PHRF1: variants seen among roughly 807,000 people sequenced by gnomAD.
The protein encoded by PHRF1 is PHD and RING finger domain-containing protein 1.
In PHRF1, 53 loss-of-function variants were observed where a neutral mutation model predicts 128.9. That is an observed-to-expected ratio of 0.41 (90% CI 0.33 to 0.52). The LOEUF (loss-of-function observed/expected upper bound fraction) is 0.52. Among genes scored for constraint, PHRF1 ranks in the 20% least tolerant of loss-of-function variants. PHRF1 has a pLI of 0.21. For synonymous variants in PHRF1, 1,178 were observed against 980.6 expected (o/e 1.20, Z -3.76); for missense variants, 2,503 against 2,284.5 (o/e 1.10, Z -1.95).
At chr11:585,825 C>T (rs1427709494) in intron 3 of PHRF1, among the ~76,000 whole-genome samples, 2 of 151,656 alleles carry the variant, frequency 1.3e-5, no homozygotes. Context: ...GGACTATAGG[C>T]ACCTGCCACC....
intron 6 of PHRF1, among the ~76,000 whole-genome samples, chr11:593,271 A>G (rs1005900717): frequency 1.3e-5 from 2 of 152,092 alleles, no homozygotes; most frequent in African/African-American, 4.8e-5. Context: ...GATTTGAATA[A>G]TTTTTCTGCT....
chr11:589,639 C>T (rs116220115), intron 4 of PHRF1, among the ~76,000 whole-genome samples: 5,952 of 152,280 alleles, frequency 0.039, 262 homozygotes, highest in African/African-American at 0.12. Flanking sequence ...CACACGATGC[C>T]GGACGGAGTC....
intron 4 of PHRF1, among the ~76,000 whole-genome samples, chr11:589,576 G>GC (rs1203212964): frequency 1.1e-5 from 1 of 90,768 alleles, no homozygotes; most frequent in African/African-American, 3.0e-5. Context: ...GACACACTCG[G>GC]GGGGGCAGGA....
At position 597,576 on chromosome 11, in the gene PHRF1, T is replaced by C; in HGVS notation, c.894+6T>C. 6.3e-7 allele frequency: 1 copy of C among 1,590,740 alleles called. No individual in the cohort carries two copies. The highest frequency in any genetic ancestry group is 8.6e-7 in the Non-Finnish European group (1 of 1,167,970). On this transcript the variant is annotated splice_donor_region_variant and intron_variant, in intron 8 of 17. Coordinates refer to ENST00000264555, the MANE Select transcript of PHRF1 (RefSeq NM_001286581.2). This position sits in a 1 kb window ranked among gnomAD's most constrained non-coding sequence, Gnocchi z 6.5. ...CCACGGCCAGGAGGGTCCAGGTGGG[T>C]GGCCCAGCCCTGACGCCAGTCGTAG...
intron 1 of PHRF1, among the ~76,000 whole-genome samples, chr11:579,593 C>T (rs1854092893): frequency 6.6e-6 from 1 of 152,174 alleles, no homozygotes; most frequent in Non-Finnish European, 1.5e-5. Flanking sequence ...GCCAGTGTCT[C>T]TAGGATTCAG....
intron 1 of PHRF1, among the ~76,000 whole-genome samples, 166 bp downstream of exon 1, chr11:576,758 G>A (rs1310640994): frequency 8.2e-5 from 9 of 110,204 alleles, no homozygotes; most frequent in African/African-American, 6.5e-5. Context: ...GGGAGGCCCC[G>A]CCGAGACTGG....
At chr11:594,263 C>A (rs1855155563) in intron 6 of PHRF1, among the ~76,000 whole-genome samples, 1 of 151,222 alleles carries the variant, frequency 6.6e-6, no homozygotes. Context: ...CCTGAGAGAC[C>A]ATGGCATGAT....
chr11:609,632 C>A lies in PHRF1; in HGVS notation c.4176C>A (p.Pro1392=). The A allele has an allele frequency of 1.3e-6, 2 of 1,579,808 alleles. No individual in the cohort carries two copies. The highest frequency in any genetic ancestry group is 1.2e-5 in the South Asian group (1 of 86,668). ...CTGAGGAGGTGGTTTCGCAGACCCC[C>A]CTGCTGCGGTCCAGAGCCCTGGTGA... ...ARPEEVVSQT[P]LLRSRALVKR... Residue 1392 remains proline (P), a synonymous_variant, in exon 14 of 18, where the codon CCC becomes CCA. Transcript: ENST00000264555.
chr11:581,634 G>A lies in PHRF1; in HGVS notation c.94+28G>A, dbSNP rs764902044. The A allele has an allele frequency of 5.7e-5, 91 of 1,584,112 alleles. 1 individual carries two copies. The highest frequency in any genetic ancestry group is 4.9e-4 in the South Asian group (43 of 88,542). On this transcript the variant is annotated intron_variant, in intron 2 of 17. Transcript: ENST00000264555. ...GAGCTGCCTAGCGCCGGGTAGGGGC[G>A]TCCCCAGGAGGAGCAGGGTGCCTGG...
rs1456746537 is a variant in PHRF1, at chr11:581,722, C to G, written c.94+116C>G. 2.7e-6 allele frequency: 3 copies of G among 1,124,860 alleles called. No individual in the cohort carries two copies. In the African/African-American group the frequency reaches 4.8e-5, roughly 18 times the overall value. 69.7% of individuals were successfully genotyped at this position (1,124,860 alleles called of 1,614,324 possible). ...CAACTTTCAGTCTAAAAAAATTATG[C>G]TTTGATTTTAAATTGCGGAAGTAGT... On this transcript the variant is annotated intron_variant, in intron 2 of 17. Coordinates refer to ENST00000264555, the MANE Select transcript of PHRF1 (RefSeq NM_001286581.2).
At chr11:581,637 C>G (rs752076795) in intron 2 of PHRF1, 31 bp downstream of exon 2, 1 of 1,579,920 alleles carries the variant, frequency 6.3e-7, no homozygotes. Flanking sequence ...TAGGGGCGTC[C>G]CCAGGAGGAG....
rs750919372 is a variant in PHRF1, at chr11:609,549, C to G, written c.4093C>G (p.Pro1365Ala). 20 of 1,599,544 alleles carry G rather than the reference C, an allele frequency of 1.3e-5. No homozygotes were observed. In the Admixed American group the frequency reaches 3.3e-4, roughly 26 times the overall value. Reference sequence around the variant, plus strand: ...GGCACCCAGTTCCCCGGATGTGGCGCCTGCGGGGAAGGAAGACAGCCCCTC... The same window carrying G: ...GGCACCCAGTTCCCCGGATGTGGCGGCTGCGGGGAAGGAAGACAGCCCCTC... ...AEAPSSPDVA[P>A]AGKEDSPSAS... is the part of the protein sequence containing the mutation. The change falls in exon 14 of 18, where the codon CCT becomes GCT. Residue 1365 changes from proline to alanine, a missense_variant. By Grantham distance (27) the Pro-to-Ala change is conservative. Transcript: ENST00000264555.
At position 611,718 on chromosome 11, in the gene PHRF1, C is replaced by T. The variant is rs756256706; in HGVS notation, c.4891C>T (p.Arg1631Cys). 3.1e-6 allele frequency: 5 copies of T among 1,612,804 alleles called. No individual in the cohort carries two copies. The highest frequency in any genetic ancestry group is 1.3e-5 in the African/African-American group (1 of 74,944). ...KAYVDKYRHM[R>C]RHKKPEAGEE... ...GTACGTGGACAAGTACAGGCACATG[C>T]GCAGGCACAAGAAACCAGAGGCCGG... Residue 1631 changes from arginine (R) to cysteine (C), a missense_variant, in exon 18 of 18, where the codon CGC (arginine) becomes TGC (cysteine). Physicochemically the swap from Arg to Cys is radical, Grantham distance 180. Coordinates refer to ENST00000264555, the MANE Select transcript of PHRF1 (RefSeq NM_001286581.2).
Position 608,752 on chromosome 11 carries a change from C to A in PHRF1, c.3296C>A (p.Ser1099Tyr). Residue 1099 changes from serine to tyrosine, a missense_variant, in exon 14 of 18, where the codon TCT becomes TAT. Ser to Tyr is a moderately radical substitution (Grantham distance 144). Coordinates refer to ENST00000264555, the MANE Select transcript of PHRF1 (RefSeq NM_001286581.2). Reference protein sequence around the residue: ...SRSRSGSPGSSSYEHYESRKK... With the variant: ...SRSRSGSPGSYSYEHYESRKK... Reference sequence around the variant, plus strand: ...TCGCGGTCGGGGAGCCCTGGCAGCTCTTCCTATGAGCACTATGAGAGTAGG... The same window carrying A: ...TCGCGGTCGGGGAGCCCTGGCAGCTATTCCTATGAGCACTATGAGAGTAGG... 1 of 1,611,814 alleles carries A rather than the reference C, an allele frequency of 6.2e-7. No homozygotes were observed. Among genetic ancestry groups the A allele is most frequent in the Non-Finnish European group, 8.5e-7 (1 of 1,179,612 alleles).
chr11:578,041 G>T (rs1001919426), intron 1 of PHRF1, among the ~76,000 whole-genome samples: 4 of 152,248 alleles, frequency 2.6e-5, no homozygotes, highest in Admixed American at 1.3e-4. Context: ...TGCAGAAATG[G>T]CTTCCTGGCC....
intron 3 of PHRF1, among the ~76,000 whole-genome samples, chr11:584,747 T>C (rs1307751550): frequency 6.8e-6 from 1 of 147,824 alleles, no homozygotes; most frequent in East Asian, 2.0e-4. Flanking sequence ...TTTTTTTTTT[T>C]TTTTTTTGAG....
chr11:605,777 A>G, intron 12 of PHRF1, 53 bp downstream of exon 12: 3 of 1,557,124 alleles, frequency 1.9e-6, no homozygotes, highest in Non-Finnish European at 2.6e-6. Context: ...TGGGCATCGG[A>G]TGGGAGTTCT....
Position 609,617 on chromosome 11 carries a change from G to T in PHRF1, c.4161G>T (p.Val1387=). 6.3e-7 allele frequency: 1 copy of T among 1,586,448 alleles called. No individual in the cohort carries two copies. Among genetic ancestry groups the T allele is most frequent in the East Asian group, 2.3e-5 (1 of 43,498 alleles). ...AGGAGGCAGCCCGGCCTGAGGAGGTGGTTTCGCAGACCCCCCTGCTGCGGT... is the reference window on the plus strand; with the variant it reads ...AGGAGGCAGCCCGGCCTGAGGAGGTTGTTTCGCAGACCCCCCTGCTGCGGT... ...RVQEAARPEE[V]VSQTPLLRSR... is the part of the protein sequence containing the mutation. The change falls in exon 14 of 18, where the codon GTG becomes GTT. Residue 1387 remains valine (V), a synonymous_variant. Transcript: ENST00000264555.
In PHRF1 at chr11:609,425, G is replaced by C. The variant is rs751450272; in HGVS notation, c.3969G>C (p.Val1323=). The C allele has an allele frequency of 1.2e-6, 2 of 1,609,010 alleles. No homozygotes were observed. Among genetic ancestry groups the C allele is most frequent in the Non-Finnish European group, 1.7e-6 (2 of 1,179,804 alleles). Residue 1323 remains valine, a synonymous_variant, in exon 14 of 18, where the codon GTG becomes GTC. Transcript: ENST00000264555. ...CCGTGGCCGCCATCCAGAGGGAGGT[G>C]TCATTGATGCACGATGAAGACCCTT... The part of the protein sequence containing the change: ...SLAVAAIQRE[V]SLMHDEDPSQ...
Sources: allele counts gnomAD v4.1 joint callset (sites outside exome capture counted in the v4.1 genomes callset), GRCh38; gene constraint gnomAD v4.1.1; non-coding constraint Gnocchi (gnomAD v3.1); transcripts MANE v1.5; gene names NCBI Gene and HGNC (gene_info 2026-07-23, HGNC 2026-07-21).